The following SASH1 variants were observed in gnomAD, a reference collection of about 807,000 sequenced individuals.
SASH1 encodes the protein SAM and SH3 domain containing 1, also known as SAM and SH3 domain-containing protein 1.
In SASH1, 44 loss-of-function variants were observed where a neutral mutation model predicts 125.2. The ratio of observed to expected loss-of-function variants is 0.35; its 90% CI spans 0.28 to 0.45. The LOEUF (loss-of-function observed/expected upper bound fraction) is 0.45. Among genes scored for constraint, SASH1 ranks in the 20% least tolerant of loss-of-function variants. The pLI, the probability that SASH1 is intolerant of heterozygous loss-of-function variation, is 1.00. For missense variants in SASH1, 1,426 were observed against 1,614.5 expected, an observed-to-expected ratio of 0.88 and a Z score of 2.00; for synonymous variants, 639 against 649.1, an observed-to-expected ratio of 0.98 and a Z score of 0.24.
chr6:148,207,648 A>G, the SASH1 span, among the ~76,000 whole-genome samples: 6 of 152,332 alleles, frequency 3.9e-5, no homozygotes, highest in African/African-American at 1.2e-4. Context: ...TGGCGCAGAC[A>G]CAGACAGAAT....
intron 1 of SASH1, among the ~76,000 whole-genome samples, chr6:148,368,762 A>C (rs1218889026): frequency 7.6e-6 from 1 of 131,386 alleles, no homozygotes; most frequent in Non-Finnish European, 1.6e-5. Flanking sequence ...ATGCGCGCGC[A>C]CGCGCGCGCA....
the SASH1 span, among the ~76,000 whole-genome samples, chr6:148,208,143 G>C: frequency 6.6e-6 from 1 of 152,092 alleles, no homozygotes; most frequent in Non-Finnish European, 1.5e-5. Flanking sequence ...ATAAGCTCAG[G>C]ACGGCAACAT....
the SASH1 span, among the ~76,000 whole-genome samples, chr6:148,238,426 G>A: frequency 5.8e-3 from 883 of 152,138 alleles, 6 homozygotes; most frequent in African/African-American, 0.02. Flanking sequence ...GTTTCATCAT[G>A]TTGGCCATGC....
the SASH1 span, among the ~76,000 whole-genome samples, chr6:148,251,700 T>C: frequency 2.6e-5 from 4 of 151,910 alleles, no homozygotes; most frequent in African/African-American, 9.7e-5. Flanking sequence ...ATTATTATTA[T>C]ACTTTAAGTT....
At position 148,411,589 on chromosome 6, in the gene SASH1, G is replaced by C. The variant is rs183712928; in HGVS notation, c.285+21327G>C. On this transcript the variant is annotated intron_variant, in intron 2 of 19. Coordinates refer to ENST00000367467, the MANE Select transcript of SASH1 (RefSeq NM_015278.5). The stretch of plus-strand genomic sequence containing the variant: ...GATAGAGTTTTACTCTGTTGCCCAG[G>C]CTGGAGTGCAATGGTGTGATACTGG... Among the ~76,000 whole-genome samples, 127 of 152,216 alleles carry C rather than the reference G, an allele frequency of 8.3e-4. 1 individual carries two copies. Among genetic ancestry groups the C allele is most frequent in the Middle Eastern group, 6.8e-3 (2 of 294 alleles).
the SASH1 span, among the ~76,000 whole-genome samples, chr6:148,263,838 G>T: frequency 6.6e-6 from 1 of 152,172 alleles, no homozygotes; most frequent in African/African-American, 2.4e-5. Flanking sequence ...GCCCCTGTCT[G>T]GATGGTGGAA....
At chr6:148,453,629 C>T (rs917453498) in intron 4 of SASH1, among the ~76,000 whole-genome samples, 13 of 152,080 alleles carry the variant, frequency 8.5e-5, no homozygotes, top group Non-Finnish European at 1.8e-4. Flanking sequence ...CTCGGAGAGA[C>T]CAGTGATGGG....
intron 1 of SASH1, among the ~76,000 whole-genome samples, chr6:148,350,853 A>C (rs559212903): frequency 1.3e-5 from 2 of 152,240 alleles, no homozygotes; most frequent in Non-Finnish European, 2.9e-5. Flanking sequence ...TTTTGAGTAC[A>C]TAAATTGTCA....
intron 1 of SASH1, among the ~76,000 whole-genome samples, chr6:148,363,719 C>T (rs576748337): frequency 6.6e-6 from 1 of 151,988 alleles, no homozygotes; most frequent in South Asian, 2.1e-4. Context: ...TCTTCTTAAC[C>T]TCTGCTTCAG....
In SASH1 at chr6:148,549,876, CT is replaced by C. The variant is rs1241434453; in HGVS notation, c.*1320del. 4.1e-6 allele frequency: 1 copy of C among 242,694 alleles called. No homozygotes were observed. Among genetic ancestry groups the C allele is most frequent in the African/African-American group, 2.2e-5 (1 of 44,930 alleles). 15.0% of individuals were successfully genotyped at this position (242,694 alleles called of 1,614,324 possible). ...CCAGGCTGGAGTGCAATGGCACGAT[CT>C]TGGCTCACTGCAACCTCAGTCTCCC... On this transcript the variant is annotated 3_prime_UTR_variant, in exon 20 of 20. Coordinates refer to ENST00000367467, the MANE Select transcript of SASH1 (RefSeq NM_015278.5).
chr6:148,466,168 C>T (rs1181269578), intron 4 of SASH1, among the ~76,000 whole-genome samples: 1 of 152,210 alleles, frequency 6.6e-6, no homozygotes, highest in African/African-American at 2.4e-5. Context: ...ATTTTCCTTA[C>T]ATGTTCTGTA....
intron 8 of SASH1, among the ~76,000 whole-genome samples, chr6:148,499,063 T>G (rs546275044): frequency 4.3e-4 from 65 of 150,438 alleles, no homozygotes; most frequent in African/African-American, 1.4e-3. Flanking sequence ...TTTTGTTTTT[T>G]TTTTTTTTTT....
intron 18 of SASH1, 37 bp from the exon 19 acceptor site, chr6:148,545,978 A>G (rs368607102): frequency 3.1e-6 from 5 of 1,599,626 alleles, no homozygotes; most frequent in East Asian, 2.2e-5. Flanking sequence ...CAAAATCCTT[A>G]TGACTCTTGA....
At position 148,549,418 on chromosome 6, in the gene SASH1, C is replaced by T. The variant is rs1317023037; in HGVS notation, c.*860C>T. ...CAAATATCATGTGTGTGCGTGCGTG[C>T]GTGCGCGTGTGTGTCTGTATTCATA... is the stretch of plus-strand genomic sequence containing the variant. On this transcript the variant is annotated 3_prime_UTR_variant, in exon 20 of 20. Coordinates refer to ENST00000367467, the MANE Select transcript of SASH1 (RefSeq NM_015278.5). 1 of 391,020 alleles carries T rather than the reference C, an allele frequency of 2.6e-6. No homozygotes were observed. Among genetic ancestry groups the T allele is most frequent in the East Asian group, 3.6e-5 (1 of 27,720 alleles). 24.2% of individuals were successfully genotyped at this position (391,020 alleles called of 1,614,324 possible).
At chr6:148,542,119 A>G (rs1483122572) in intron 17 of SASH1, among the ~76,000 whole-genome samples, 3 of 152,188 alleles carry the variant, frequency 2.0e-5, no homozygotes, top group African/African-American at 4.8e-5. Context: ...TTCATGCCCA[A>G]ATGAATTCAG....
intron 2 of SASH1, among the ~76,000 whole-genome samples, chr6:148,439,860 G>A (rs1193143448): frequency 6.6e-6 from 1 of 152,010 alleles, no homozygotes; most frequent in Admixed American, 6.6e-5. Flanking sequence ...CAGTGTCTTA[G>A]TGACCAACTA....
At chr6:148,366,712 C>T (rs949981419) in intron 1 of SASH1, among the ~76,000 whole-genome samples, 1 of 151,118 alleles carries the variant, frequency 6.6e-6, no homozygotes, top group African/African-American at 2.4e-5. Context: ...ATTCTCCTGC[C>T]TCAGCCTCCT....
chr6:148,252,245 C>A, the SASH1 span, among the ~76,000 whole-genome samples: 2 of 152,046 alleles, frequency 1.3e-5, no homozygotes, highest in Non-Finnish European at 2.9e-5. Context: ...GCAAAAACTT[C>A]TTTCTACAGA....
the SASH1 span, among the ~76,000 whole-genome samples, chr6:148,204,141 C>T: frequency 2.0e-5 from 3 of 152,168 alleles, no homozygotes; most frequent in Non-Finnish European, 4.4e-5. Context: ...GAATCCCTCT[C>T]GGGCCGCTCG....
Sources: gnomAD v4.1 joint callset for allele counts (sites outside exome capture counted in the v4.1 genomes callset) on GRCh38, gnomAD v4.1.1 for gene constraint, MANE v1.5 for transcripts, NCBI Gene and HGNC (gene_info 2026-07-23, HGNC 2026-07-21) for gene names.